NCOA1: variants seen among roughly 807,000 people sequenced by gnomAD.
The protein encoded by NCOA1 is nuclear receptor coactivator 1.
NCOA1 carries 35 observed loss-of-function variants against 150.9 expected under a neutral mutation model. That is an observed-to-expected ratio of 0.23 (90% CI 0.18 to 0.31). The LOEUF is 0.31. Among genes scored for constraint, NCOA1 ranks in the 10% least tolerant of loss-of-function variants. The pLI is 1.00. For missense variants in NCOA1, 1,491 were observed against 1,749.3 expected, an observed-to-expected ratio of 0.85 and a Z score of 2.63; for synonymous variants, 590 against 630.0, an observed-to-expected ratio of 0.94 and a Z score of 0.95.
At chr2:24,673,538 C>T in intron 7 of NCOA1, 75 bp downstream of exon 7, 1 of 830,290 alleles carries the variant, frequency 1.2e-6, no homozygotes. Flanking sequence ...TTTTTAAATG[C>T]CTTATATCCA....
rs1017361256 is a variant in NCOA1 at position 24,739,448 on chromosome 2, G to A, written c.3218G>A (p.Arg1073Gln). 8 of 1,613,426 alleles carry A rather than the reference G, an allele frequency of 5.0e-6. No homozygotes were observed. The highest frequency in any genetic ancestry group is 6.8e-6 in the Non-Finnish European group (8 of 1,179,522). The change falls in exon 18 of 23, where the codon CGG becomes CAG. Residue 1073 changes from arginine (R) to glutamine (Q), a missense_variant. By Grantham distance (43) the Arg-to-Gln change is conservative. Around this residue, in one of 8 missense-constraint regions of NCOA1, gnomAD observed 485 missense variants for 522.8 expected, o/e 0.93. Coordinates refer to ENST00000348332, the MANE Select transcript of NCOA1 (RefSeq NM_003743.5). ...QGQQQLIHQN[R>Q]QAILNQFAAT... ...TTTCTCTAGTTGATACACCAAAATC[G>A]GCAAGCTATCTTAAACCAGTTTGCA...
At chr2:24,691,410 A>T in intron 8 of NCOA1, 71 bp from the exon 9 acceptor site, 1 of 1,432,906 alleles carries the variant, frequency 7.0e-7, no homozygotes, top group Non-Finnish European at 9.6e-7. Context: ...CTTAAAGTAC[A>T]TCTTTTGTAT....
At chr2:24,708,264 G>T (rs779452004) in intron 13 of NCOA1, among the ~76,000 whole-genome samples, 8 of 152,166 alleles carry the variant, frequency 5.3e-5, no homozygotes, top group Non-Finnish European at 1.0e-4. Context: ...TGATGTAAAT[G>T]AAGTGGGAGA....
At chr2:24,650,165 T>C (rs1174612150) in intron 4 of NCOA1, among the ~76,000 whole-genome samples, 1 of 152,150 alleles carries the variant, frequency 6.6e-6, no homozygotes, top group Non-Finnish European at 1.5e-5. Context: ...CAGGGTCTCT[T>C]CTCTGGGCCA....
chr2:24,591,636 T>C (rs2148335061), intron 3 of NCOA1, among the ~76,000 whole-genome samples: 2 of 152,250 alleles, frequency 1.3e-5, no homozygotes, highest in Middle Eastern at 3.4e-3. Flanking sequence ...TTTCCTTCAA[T>C]CCCTCTAATA....
At chr2:24,506,610 G>T (rs1361854554) in intron 1 of NCOA1, among the ~76,000 whole-genome samples, 1 of 152,080 alleles carries the variant, frequency 6.6e-6, no homozygotes, top group Non-Finnish European at 1.5e-5. Context: ...GACATCTTTA[G>T]TGGTTAGGTT....
rs992754680 is a variant in NCOA1, at chr2:24,728,591, C to A, written c.2886+115C>A. 5 of 822,678 alleles carry A rather than the reference C, an allele frequency of 6.1e-6. No individual in the cohort carries two copies. The African/African-American group carries it at 8.9e-5, about 15-fold the overall frequency. 51.0% of individuals were successfully genotyped at this position (822,678 alleles called of 1,614,324 possible). ...TATGCTTTAGCTGTTTTATAATTTA[C>A]CTCTTGTGAAACTTATCAAAATATA... On this transcript the variant is annotated intron_variant, in intron 16 of 22. Transcript: ENST00000348332.
intron 20 of NCOA1, among the ~76,000 whole-genome samples, chr2:24,752,743 C>A (rs1260976870): frequency 6.6e-6 from 1 of 152,176 alleles, no homozygotes; most frequent in Non-Finnish European, 1.5e-5. Flanking sequence ...AGTGGGCACA[C>A]AAGTTTCACT....
intron 4 of NCOA1, among the ~76,000 whole-genome samples, chr2:24,644,926 C>T (rs1229662854): frequency 5.9e-5 from 9 of 152,080 alleles, no homozygotes; most frequent in Non-Finnish European, 1.0e-4. Flanking sequence ...TCCATGTGTC[C>T]CAGCTGCACG....
intron 2 of NCOA1, among the ~76,000 whole-genome samples, chr2:24,565,496 GA>G (rs1213604114): frequency 1.3e-5 from 2 of 152,184 alleles, no homozygotes; most frequent in Non-Finnish European, 2.9e-5. Context: ...TTCTGTTTTA[GA>G]AGAAGACTAT....
intron 14 of NCOA1, among the ~76,000 whole-genome samples, chr2:24,722,948 G>A (rs1408516205): frequency 8.0e-6 from 1 of 124,854 alleles, no homozygotes; most frequent in Admixed American, 1.1e-4. Flanking sequence ...CCGAGATCAT[G>A]CCACTACACT....
At chr2:24,750,313 A>G (rs1664150587) in intron 19 of NCOA1, among the ~76,000 whole-genome samples, 1 of 152,226 alleles carries the variant, frequency 6.6e-6, no homozygotes. Flanking sequence ...TAAAAGGAAG[A>G]ACAAAGTTGG....
intron 13 of NCOA1, among the ~76,000 whole-genome samples, 187 bp from the exon 14 acceptor site, chr2:24,710,744 T>C (rs932261315): frequency 3.3e-5 from 5 of 152,186 alleles, no homozygotes; most frequent in Non-Finnish European, 7.3e-5. Flanking sequence ...CATCCAAATA[T>C]TTTCCCCATG....
At chr2:24,621,745 G>A (rs1669177073) in intron 3 of NCOA1, among the ~76,000 whole-genome samples, 1 of 152,134 alleles carries the variant, frequency 6.6e-6, no homozygotes, top group Non-Finnish European at 1.5e-5. Context: ...TTCCCAAAGT[G>A]CTGGGATTAC....
chr2:24,611,987 T>C (rs971478166), intron 3 of NCOA1, among the ~76,000 whole-genome samples: 2 of 152,220 alleles, frequency 1.3e-5, no homozygotes, highest in African/African-American at 2.4e-5. Context: ...TAGTTTCTAT[T>C]GTGTGGTTGC....
At chr2:24,719,737 TG>T (rs918793952) in intron 14 of NCOA1, among the ~76,000 whole-genome samples, 4 of 152,058 alleles carry the variant, frequency 2.6e-5, no homozygotes, top group Admixed American at 2.6e-4. Context: ...GAACAACCAG[TG>T]CATATTGAAC....
At chr2:24,726,520 A>G (rs1674629998) in intron 14 of NCOA1, 69 bp from the exon 15 acceptor site, 1 of 923,896 alleles carries the variant, frequency 1.1e-6, no homozygotes, top group East Asian at 2.6e-5. Context: ...CCAATATATT[A>G]TTTTTGAAAA....
chr2:24,765,516 C>T lies in NCOA1; in HGVS notation c.4156-2705C>T, dbSNP rs552510574. 1.1e-3 allele frequency among the ~76,000 whole-genome samples: 171 copies of T among 150,586 alleles called. 1 individual carries two copies. Among genetic ancestry groups the T allele is most frequent in the African/African-American group, 3.7e-3 (152 of 41,116 alleles). ...TCTGTCTCAAAAAAAAAAAAAAGAT[C>T]GAGGAAATGAAGAGTCTTCATTCAC... On this transcript the variant is annotated intron_variant, in intron 22 of 22. Coordinates refer to ENST00000348332, the MANE Select transcript of NCOA1 (RefSeq NM_003743.5).
chr2:24,660,228 T>C (rs1372700070), intron 5 of NCOA1, among the ~76,000 whole-genome samples: 1 of 152,182 alleles, frequency 6.6e-6, no homozygotes, highest in Non-Finnish European at 1.5e-5. Flanking sequence ...AAGGAAAAGC[T>C]AAGAATAAAT....
Sources: gnomAD v4.1 joint callset for allele counts (sites outside exome capture counted in the v4.1 genomes callset) on GRCh38, gnomAD v4.1.1 for gene constraint, gnomAD v4.1.1 regional missense constraint, MANE v1.5 for transcripts, NCBI Gene and HGNC (gene_info 2026-07-23, HGNC 2026-07-21) for gene names.